Variants in STT3B observed in about 807,000 individuals in gnomAD.
STT3B encodes dolichyl-diphosphooligosaccharide--protein glycosyltransferase subunit STT3B.
A neutral mutation model predicts 96.8 loss-of-function variants in STT3B; 29 were observed. The observed-to-expected ratio is 0.30, with a 90% confidence interval of 0.22 to 0.41. The LOEUF is 0.41. Ranked by LOEUF, STT3B falls within the 10% of genes least tolerant of loss-of-function variation. The pLI, the probability that STT3B is intolerant of heterozygous loss-of-function variation, is 1.00. For missense variants in STT3B, 640 were observed against 1,022.3 expected, an observed-to-expected ratio of 0.63 and a Z score of 5.10; for synonymous variants, 367 against 360.0, an observed-to-expected ratio of 1.02 and a Z score of -0.22.
rs1699756479 is a variant in STT3B at position 31,636,444 on chromosome 3, A to T, written c.*380A>T. ...ACAAGACCTGCATTTTATTTGAATT[A>T]CCCGAATAGCAATATGTAAAATACA... On this transcript the variant is annotated 3_prime_UTR_variant, in exon 16 of 16. Coordinates refer to ENST00000295770, the MANE Select transcript of STT3B (RefSeq NM_178862.3). 6.3e-6 allele frequency: 1 copy of T among 159,682 alleles called. No homozygotes were observed. The highest frequency in any genetic ancestry group is 1.4e-5 in the Non-Finnish European group (1 of 73,352). 9.9% of individuals were successfully genotyped at this position (159,682 alleles called of 1,614,324 possible). A position where few individuals can be genotyped will look rare whatever the true frequency, so the allele number is the denominator to read the frequency against.
At chr3:31,626,436 CT>C (rs1282892247) in intron 13 of STT3B, among the ~76,000 whole-genome samples, 1 of 152,108 alleles carries the variant, frequency 6.6e-6, no homozygotes, top group Admixed American at 6.5e-5. Flanking sequence ...CACTCTAGTA[CT>C]TACCCTTATG....
intron 5 of STT3B, among the ~76,000 whole-genome samples, chr3:31,609,590 T>G (rs1410915964): frequency 6.6e-6 from 1 of 151,968 alleles, no homozygotes; most frequent in Admixed American, 6.6e-5. Flanking sequence ...TTTTTGTTTT[T>G]TTGTTTTGTT....
chr3:31,546,020 C>T (rs539864200), intron 1 of STT3B, among the ~76,000 whole-genome samples: 9 of 152,248 alleles, frequency 5.9e-5, no homozygotes, highest in African/African-American at 1.9e-4. Flanking sequence ...TTCATTTATA[C>T]ATCTGTTAGT....
intron 1 of STT3B, among the ~76,000 whole-genome samples, chr3:31,540,448 T>G (rs961856494): frequency 4.6e-5 from 7 of 152,178 alleles, no homozygotes; most frequent in African/African-American, 1.7e-4. Context: ...GATAATATTT[T>G]CTTTTGGGGT....
intron 3 of STT3B, among the ~76,000 whole-genome samples, chr3:31,591,600 C>T (rs1346819977): frequency 6.6e-6 from 1 of 152,078 alleles, no homozygotes; most frequent in Non-Finnish European, 1.5e-5. Flanking sequence ...TTCTACTTAA[C>T]ATAATTCTGG....
chr3:31,626,243 C>T, intron 13 of STT3B, 116 bp downstream of exon 13: 1 of 913,354 alleles, frequency 1.1e-6, no homozygotes. Flanking sequence ...AGATTAGTTC[C>T]TTACCCTGGC....
chr3:31,623,982 TTTTTA>T lies in STT3B; in HGVS notation c.1727+127_1727+131del, dbSNP rs532512420. The T allele has an allele frequency of 4.6e-3, 4,067 of 881,990 alleles. 14 individuals are homozygous for T. The highest frequency in any genetic ancestry group is 5.6e-3 in the Non-Finnish European group (3,408 of 606,770). The allele number at this position is 881,990 out of a possible 1,614,324, so 54.6% of individuals were successfully genotyped here. A position where few individuals can be genotyped will look rare whatever the true frequency, so the allele number is the denominator to read the frequency against. Reference sequence around the variant, plus strand: ...GATTCTGCATTTGCTTGTTTTTAATTTTTTATTTTAATTTTGGTAGGTACACAGTA... The same window carrying T: ...GATTCTGCATTTGCTTGTTTTTAATTTTTTAATTTTGGTAGGTACACAGTA... On this transcript the variant is annotated intron_variant, in intron 11 of 15. Transcript: ENST00000295770.
At chr3:31,533,505 C>G (rs537288589) in intron 1 of STT3B, 193 bp downstream of exon 1, 7 of 628,268 alleles carry the variant, frequency 1.1e-5, no homozygotes, top group Admixed American at 9.4e-5. Context: ...CCCGTGCAGC[C>G]TGAGGCGGGG....
chr3:31,636,469 A>T lies in STT3B; in HGVS notation c.*405A>T, dbSNP rs570891897. On this transcript the variant is annotated 3_prime_UTR_variant, in exon 16 of 16. Coordinates refer to ENST00000295770, the MANE Select transcript of STT3B (RefSeq NM_178862.3). ...ACCCGAATAGCAATATGTAAAATAC[A>T]AGTGACAAAATGTGATGAGAGCTTC... The T allele has an allele frequency of 1.9e-5, 3 of 154,816 alleles. No individual in the cohort carries two copies. Among genetic ancestry groups the T allele is most frequent in the African/African-American group, 7.2e-5 (3 of 41,558 alleles). The allele number at this position is 154,816 out of a possible 1,614,324, so 9.6% of individuals were successfully genotyped here.
intron 1 of STT3B, among the ~76,000 whole-genome samples, chr3:31,536,845 A>G (rs942292542): frequency 1.3e-5 from 2 of 152,186 alleles, no homozygotes; most frequent in African/African-American, 4.8e-5. Context: ...ACTTAACTAT[A>G]CCTTTTTATC....
chr3:31,572,021 AAT>A (rs1179662563), intron 1 of STT3B, among the ~76,000 whole-genome samples: 3 of 45,264 alleles, frequency 6.6e-5, no homozygotes, highest in Admixed American at 3.8e-4. Flanking sequence ...TAAACATATT[AAT>A]ATATATTAAT....
chr3:31,630,446 C>T (rs1322150756), intron 14 of STT3B, among the ~76,000 whole-genome samples: 2 of 152,166 alleles, frequency 1.3e-5, no homozygotes, highest in Non-Finnish European at 2.9e-5. Context: ...ATGTATTGTT[C>T]TTTGTTAAGC....
At chr3:31,585,555 GGTTTT>G (rs146796672) in intron 3 of STT3B, among the ~76,000 whole-genome samples, 4,210 of 151,924 alleles carry the variant, frequency 0.028, 184 homozygotes, top group African/African-American at 0.094. Flanking sequence ...GCCTCTTACA[GGTTTT>G]GTTTTGTTTT....
At chr3:31,550,594 A>C (rs1697527102) in intron 1 of STT3B, among the ~76,000 whole-genome samples, 1 of 152,210 alleles carries the variant, frequency 6.6e-6, no homozygotes, top group Non-Finnish European at 1.5e-5. Context: ...ATCCTTATGA[A>C]TTTCTATCAT....
rs1269744838 is a variant in STT3B, at chr3:31,533,218, T to C, written c.220T>C (p.Phe74Leu). Reference sequence around the variant, plus strand: ...GGCTGGGTGGCAGTCGCTTCTCTCCTTCACCATCCTCTTCCTGGCCTGGCT... The same window carrying C: ...GGCTGGGTGGCAGTCGCTTCTCTCCCTCACCATCCTCTTCCTGGCCTGGCT... ...QPAGWQSLLSFTILFLAWLAG... is the reference protein window; with the variant it reads ...QPAGWQSLLSLTILFLAWLAG... The change falls in exon 1 of 16, where the codon TTC (phenylalanine) becomes CTC (leucine). Residue 74 changes from phenylalanine (F) to leucine (L), a missense_variant. Phe to Leu is a conservative substitution (Grantham distance 22). This residue lies in a region of STT3B where 267 missense variants were observed against 388.3 expected (regional missense o/e 0.69). Coordinates refer to ENST00000295770, the MANE Select transcript of STT3B (RefSeq NM_178862.3). 2 of 1,466,438 alleles carry C rather than the reference T, an allele frequency of 1.4e-6. No homozygotes were observed. The highest frequency in any genetic ancestry group is 1.8e-6 in the Non-Finnish European group (2 of 1,103,228). The allele number at this position is 1,466,438 out of a possible 1,614,324, so 90.8% of individuals were successfully genotyped here.
At chr3:31,627,237 G>C (rs994597669) in intron 13 of STT3B, among the ~76,000 whole-genome samples, 1 of 152,192 alleles carries the variant, frequency 6.6e-6, no homozygotes, top group African/African-American at 2.4e-5. Context: ...CCTCCTATCA[G>C]ACCAGCGGCA....
intron 5 of STT3B, among the ~76,000 whole-genome samples, chr3:31,612,247 A>G (rs1575440756): frequency 6.6e-6 from 1 of 152,206 alleles, no homozygotes; most frequent in East Asian, 1.9e-4. Context: ...CGTGCACTGA[A>G]GAGTGTTATG....
intron 1 of STT3B, among the ~76,000 whole-genome samples, chr3:31,571,709 CAG>C (rs1053709224): frequency 1.3e-5 from 2 of 151,944 alleles, no homozygotes; most frequent in African/African-American, 4.8e-5. Flanking sequence ...CTGGAGGAAA[CAG>C]AGAAGTCCTT....
intron 5 of STT3B, among the ~76,000 whole-genome samples, chr3:31,601,952 G>C (rs996470967): frequency 6.6e-6 from 1 of 152,152 alleles, no homozygotes; most frequent in Non-Finnish European, 1.5e-5. Context: ...CTTGAACTCA[G>C]ATTTTGGCTT....
Sources: allele counts gnomAD v4.1 joint callset (sites outside exome capture counted in the v4.1 genomes callset), GRCh38; gene constraint gnomAD v4.1.1; regional missense constraint gnomAD v4.1.1; transcripts MANE v1.5; gene names NCBI Gene and HGNC (gene_info 2026-07-23, HGNC 2026-07-21).